The following PKP1 variants were observed in gnomAD, a reference collection of about 807,000 sequenced individuals.
PKP1 encodes plakophilin-1.
Under a neutral mutation model 76.4 loss-of-function variants are expected in PKP1, and 27 were observed. The ratio of observed to expected loss-of-function variants is 0.35; its 90% CI spans 0.26 to 0.49. The LOEUF (loss-of-function observed/expected upper bound fraction) is 0.49. Ranked by LOEUF, PKP1 falls within the 20% of genes least tolerant of loss-of-function variation. PKP1 has a pLI of 0.99. For synonymous variants in PKP1, 404 were observed against 384.2 expected, an observed-to-expected ratio of 1.05 and a Z score of -0.60; for missense variants, 964 against 955.2, an observed-to-expected ratio of 1.01 and a Z score of -0.12.
chr1:201,319,475 T>A (rs754360315), intron 6 of PKP1, among the ~76,000 whole-genome samples: 2 of 152,206 alleles, frequency 1.3e-5, no homozygotes, highest in Non-Finnish European at 2.9e-5. Context: ...CCCAGAGTGG[T>A]GGGTGCAGCT....
intron 3 of PKP1, chr1:201,316,195 C>A (rs568264445): frequency 8.9e-4 from 94 of 105,250 alleles, no homozygotes; most frequent in African/African-American, 3.8e-3. Context: ...CATTGTCTTC[C>A]ATTTTCCTAA....
intron 2 of PKP1, among the ~76,000 whole-genome samples, chr1:201,309,738 C>A (rs1318975957): frequency 6.6e-6 from 1 of 152,158 alleles, no homozygotes; most frequent in Admixed American, 6.5e-5. Context: ...TCTCTCGGGA[C>A]CTGGAAGACA....
intron 2 of PKP1, among the ~76,000 whole-genome samples, chr1:201,296,444 G>A (rs1214978820): frequency 1.3e-5 from 2 of 152,230 alleles, no homozygotes; most frequent in African/African-American, 4.8e-5. Context: ...GCAGAAGGCA[G>A]GGAGGGTGGG....
At chr1:201,298,166 G>T (rs895774023) in intron 2 of PKP1, among the ~76,000 whole-genome samples, 2 of 152,192 alleles carry the variant, frequency 1.3e-5, no homozygotes, top group Non-Finnish European at 2.9e-5. Context: ...GGTGAGAAAA[G>T]GAGGATTTTT....
intron 3 of PKP1, among the ~76,000 whole-genome samples, chr1:201,314,664 C>T (rs560026165): frequency 2.6e-5 from 4 of 152,364 alleles, no homozygotes; most frequent in South Asian, 2.1e-4. Context: ...TGAGCCTGCC[C>T]TTCAGGGCTG....
intron 2 of PKP1, among the ~76,000 whole-genome samples, chr1:201,312,389 T>C (rs759240393): frequency 2.0e-5 from 3 of 152,208 alleles, no homozygotes; most frequent in Non-Finnish European, 4.4e-5. Context: ...GGCATAGGGC[T>C]TGGAGACCCA....
At chr1:201,319,645 C>T (rs1486155989) in intron 6 of PKP1, among the ~76,000 whole-genome samples, 1 of 152,190 alleles carries the variant, frequency 6.6e-6, no homozygotes, top group Non-Finnish European at 1.5e-5. Context: ...CCCACCTGCA[C>T]CAGGCTGATG....
At chr1:201,291,594 C>G (rs557032984) in intron 1 of PKP1, among the ~76,000 whole-genome samples, 1 of 152,280 alleles carries the variant, frequency 6.6e-6, no homozygotes, top group South Asian at 2.1e-4. Flanking sequence ...CTGGTGCAAG[C>G]CCCCCGGGGC....
intron 2 of PKP1, among the ~76,000 whole-genome samples, chr1:201,311,159 C>T (rs1048287523): frequency 3.9e-5 from 6 of 152,212 alleles, no homozygotes; most frequent in African/African-American, 1.4e-4. Flanking sequence ...TGGGCTTCCC[C>T]CTCCATGTTG....
At chr1:201,326,837 A>G (rs1657140752) in intron 12 of PKP1, among the ~76,000 whole-genome samples, 1 of 152,252 alleles carries the variant, frequency 6.6e-6, no homozygotes, top group Admixed American at 6.5e-5. Context: ...CAGAAATATG[A>G]AGACCATCTG....
intron 2 of PKP1, among the ~76,000 whole-genome samples, chr1:201,312,607 A>G (rs927732047): frequency 1.3e-5 from 2 of 152,174 alleles, no homozygotes; most frequent in Non-Finnish European, 2.9e-5. Flanking sequence ...ACACTGCACC[A>G]TTCGTCATAA....
intron 8 of PKP1, 121 bp downstream of exon 8, chr1:201,322,254 C>A: frequency 2.8e-6 from 3 of 1,071,924 alleles, no homozygotes; most frequent in Non-Finnish European, 4.0e-6. Context: ...AGGGACAGGC[C>A]CATGCTGACA....
rs757237829 is a variant in PKP1, at chr1:201,318,730, C to A, written c.1167C>A (p.Gly389=). The A allele has an allele frequency of 6.2e-7, 1 of 1,611,908 alleles. No individual in the cohort carries two copies. Among genetic ancestry groups the A allele is most frequent in the East Asian group, 2.2e-5 (1 of 44,886 alleles). The change falls in exon 6 of 14, where the codon GGC becomes GGA. Residue 389 remains glycine, a synonymous_variant. Transcript: ENST00000367324. ...VIIPFSGWCD[G]NSNMSREVVD... Reference sequence around the variant, plus strand: ...TTCCCTTCTCTGGCTGGTGCGATGGCAATAGCAACATGTCCCGGGAAGTGG... The same window carrying A: ...TTCCCTTCTCTGGCTGGTGCGATGGAAATAGCAACATGTCCCGGGAAGTGG...
chr1:201,291,514 A>T (rs832176), intron 1 of PKP1, among the ~76,000 whole-genome samples: 6 of 151,940 alleles, frequency 3.9e-5, no homozygotes, highest in South Asian at 2.1e-4. Flanking sequence ...GGAGATGGTT[A>T]GTCTGATGAC....
intron 2 of PKP1, among the ~76,000 whole-genome samples, chr1:201,302,620 G>A (rs1656266479): frequency 6.6e-6 from 1 of 152,182 alleles, no homozygotes; most frequent in South Asian, 2.1e-4. Flanking sequence ...GCCCTGGCAT[G>A]TCTCTACGGA....
At chr1:201,328,916 G>T in intron 13 of PKP1, 48 bp downstream of exon 13, 1 of 1,126,376 alleles carries the variant, frequency 8.9e-7, no homozygotes, top group Non-Finnish European at 1.4e-6. Context: ...CACTGCAACA[G>T]CCTCAGCCAG....
intron 1 of PKP1, among the ~76,000 whole-genome samples, chr1:201,290,580 A>G (rs1180174967): frequency 6.6e-6 from 1 of 151,942 alleles, no homozygotes; most frequent in East Asian, 1.9e-4. Context: ...TACCCCACTC[A>G]CCAGGGACCT....
At chr1:201,315,163 C>G (rs571528875) in intron 3 of PKP1, among the ~76,000 whole-genome samples, 2 of 152,236 alleles carry the variant, frequency 1.3e-5, no homozygotes, top group African/African-American at 4.8e-5. Flanking sequence ...CTGGCTTCAG[C>G]TCATTGTCCC....
In PKP1 at chr1:201,321,958, T is replaced by G; in HGVS notation, c.1348-20T>G. 2.5e-6 allele frequency: 4 copies of G among 1,613,838 alleles called. No individual in the cohort carries two copies. The highest frequency in any genetic ancestry group is 3.4e-6 in the Non-Finnish European group (4 of 1,179,918). On this transcript the variant is annotated intron_variant, in intron 7 of 13. Coordinates refer to ENST00000367324, the MANE Select transcript of PKP1 (RefSeq NM_001005337.3). ...CGGGCCGGGCAGAGGCTCAGGCCCA[T>G]GCCTCTCCTTGGTCCCCAGTCTGTG...
Sources: gnomAD v4.1 joint callset for allele counts (sites outside exome capture counted in the v4.1 genomes callset) on GRCh38, gnomAD v4.1.1 for gene constraint, MANE v1.5 for transcripts, NCBI Gene and HGNC (gene_info 2026-07-23, HGNC 2026-07-21) for gene names.